The following USP34 variants were observed in gnomAD, a reference collection of about 807,000 sequenced individuals.
USP34 encodes ubiquitin carboxyl-terminal hydrolase 34.
Under a neutral mutation model 460.3 loss-of-function variants are expected in USP34, and 70 were observed. The ratio of observed to expected loss-of-function variants is 0.15; its 90% CI spans 0.13 to 0.19. The LOEUF (loss-of-function observed/expected upper bound fraction) is 0.19, where lower values mean the gene tolerates loss of function less well. USP34 is among the 10% of genes least tolerant of loss of function. The probability of loss-of-function intolerance (pLI) is 1.00; values close to 1 mark genes in which losing one functional copy is unlikely to be tolerated. For synonymous variants in USP34, 1,647 were observed against 1,405.3 expected (o/e 1.17, Z -3.85); for missense variants, 3,985 against 4,236.2 (o/e 0.94, Z 1.65).
Position 61,281,207 on chromosome 2 carries a change from A to G in USP34, c.5034T>C (p.Tyr1678=), listed in dbSNP as rs1209297052. Residue 1678 remains tyrosine (Y), a synonymous_variant, in exon 38 of 80, where the codon TAT becomes TAC. Transcript: ENST00000398571. The part of the protein sequence containing the change: ...AVRHESCSGL[Y]KLSLSGLDGG... Reference sequence around the variant, plus strand: ...CATCCAGCCCTGACAGGGATAACTTATAGAGACCACTGCATGATTCATGAC... The same window carrying G: ...CATCCAGCCCTGACAGGGATAACTTGTAGAGACCACTGCATGATTCATGAC... The G allele has an allele frequency of 6.2e-7, 1 of 1,613,972 alleles. No individual in the cohort carries two copies. The highest frequency in any genetic ancestry group is 1.3e-5 in the African/African-American group (1 of 74,942).
At position 61,244,202 on chromosome 2, in the gene USP34, A is replaced by G. The variant is rs571674242; in HGVS notation, c.6627+1008T>C. ...CTAATCTATGAAACGGAAATGACTA[A>G]TATTTGTCTTGTGAGAATCAAGAGA... On this transcript the variant is annotated intron_variant, in intron 51 of 79. Transcript: ENST00000398571. 7.2e-5 allele frequency among the ~76,000 whole-genome samples: 11 copies of G among 152,370 alleles called. 1 individual carries two copies. The South Asian group carries it at 2.1e-3, about 29-fold the overall frequency.
At chr2:61,253,666 T>G (rs1001725213) in intron 48 of USP34, among the ~76,000 whole-genome samples, 1 of 152,170 alleles carries the variant, frequency 6.6e-6, no homozygotes, top group African/African-American at 2.4e-5. Context: ...TCAGATATCT[T>G]TCATCTAGAA....
At chr2:61,470,439 G>C (rs1439204327) in intron 1 of USP34, among the ~76,000 whole-genome samples, 1 of 150,344 alleles carries the variant, frequency 6.7e-6, no homozygotes, top group Non-Finnish European at 1.5e-5. Context: ...GCTCCGCGGC[G>C]GCCGCCTCTC....
At chr2:61,351,129 T>C (rs1415429393) in intron 10 of USP34, among the ~76,000 whole-genome samples, 2 of 152,170 alleles carry the variant, frequency 1.3e-5, no homozygotes, top group Non-Finnish European at 2.9e-5. Context: ...TAGGCGGCTA[T>C]GGTGGGAAGA....
chr2:61,265,656 C>A, intron 42 of USP34, 99 bp from the exon 43 acceptor site: 1 of 1,090,416 alleles, frequency 9.2e-7, no homozygotes, highest in Non-Finnish European at 1.3e-6. Context: ...TTAGTTACCT[C>A]ATTAATATAT....
chr2:61,197,683 G>A (rs1423441642), intron 75 of USP34, among the ~76,000 whole-genome samples: 6 of 152,030 alleles, frequency 3.9e-5, no homozygotes, highest in Non-Finnish European at 8.8e-5. Flanking sequence ...TTGTAACCTT[G>A]AACTCCTGGG....
chr2:61,344,602 A>G (rs940485212), intron 15 of USP34, among the ~76,000 whole-genome samples: 1 of 152,246 alleles, frequency 6.6e-6, no homozygotes, highest in Non-Finnish European at 1.5e-5. Flanking sequence ...CAGAATATGA[A>G]AAGAGCTAAA....
At chr2:61,273,081 A>C (rs1295618207) in intron 41 of USP34, among the ~76,000 whole-genome samples, 1 of 152,228 alleles carries the variant, frequency 6.6e-6, no homozygotes, top group Non-Finnish European at 1.5e-5. Flanking sequence ...ATGACAAGTT[A>C]AAAAACATAA....
chr2:61,402,053 C>A (rs1006457407), intron 3 of USP34, among the ~76,000 whole-genome samples: 2 of 151,598 alleles, frequency 1.3e-5, no homozygotes, highest in African/African-American at 4.8e-5. Context: ...GAGTTCGAGA[C>A]CAGGCTGGTC....
intron 37 of USP34, among the ~76,000 whole-genome samples, chr2:61,281,554 G>A (rs1190366087): frequency 6.6e-6 from 1 of 152,206 alleles, no homozygotes; most frequent in African/African-American, 2.4e-5. Context: ...AGTCTGCAGT[G>A]AGCTGATATG....
At chr2:61,423,332 G>C (rs1052189140) in intron 1 of USP34, among the ~76,000 whole-genome samples, 8 of 151,906 alleles carry the variant, frequency 5.3e-5, no homozygotes, top group African/African-American at 1.5e-4. Flanking sequence ...GGCTGCTCTC[G>C]AACTCCTGAT....
chr2:61,402,734 G>A (rs1028955430), intron 3 of USP34, among the ~76,000 whole-genome samples: 2 of 152,098 alleles, frequency 1.3e-5, no homozygotes, highest in African/African-American at 4.8e-5. Flanking sequence ...TAGCACAGCA[G>A]CACAAAGAAA....
At chr2:61,467,662 G>T (rs1867839) in intron 1 of USP34, among the ~76,000 whole-genome samples, 83,267 of 134,392 alleles carry the variant, frequency 0.62, 25,818 homozygotes, top group Middle Eastern at 0.69. Context: ...TTCTGTGGCC[G>T]AGGCTGGAGT....
intron 33 of USP34, among the ~76,000 whole-genome samples, chr2:61,289,693 GAA>G (rs993418637): frequency 6.6e-6 from 1 of 151,802 alleles, no homozygotes; most frequent in East Asian, 1.9e-4. Flanking sequence ...AATTCAGAGA[GAA>G]AAAAAGTCTT....
intron 43 of USP34, 132 bp downstream of exon 43, chr2:61,265,265 G>C (rs1400720502): frequency 6.4e-6 from 6 of 935,280 alleles, no homozygotes; most frequent in South Asian, 5.2e-5. Context: ...ACATTAGCTA[G>C]TTACTGTAAT....
intron 1 of USP34, among the ~76,000 whole-genome samples, chr2:61,459,783 G>A (rs529260645): frequency 1.4e-5 from 2 of 147,650 alleles, no homozygotes; most frequent in African/African-American, 5.0e-5. Context: ...AAAAAGGCCA[G>A]GCACAGTGAC....
intron 41 of USP34, among the ~76,000 whole-genome samples, chr2:61,275,265 C>G (rs1368862342): frequency 6.6e-6 from 1 of 151,978 alleles, no homozygotes; most frequent in Non-Finnish European, 1.5e-5. Flanking sequence ...GGTGACAGAG[C>G]CAGACCCCGT....
At chr2:61,428,956 A>G (rs1015623695) in intron 1 of USP34, among the ~76,000 whole-genome samples, 2 of 152,182 alleles carry the variant, frequency 1.3e-5, no homozygotes, top group African/African-American at 4.8e-5. Flanking sequence ...AAAGAGCAAA[A>G]CAAAATAATA....
At chr2:61,399,444 T>C (rs1438436245) in intron 3 of USP34, among the ~76,000 whole-genome samples, 1 of 152,070 alleles carries the variant, frequency 6.6e-6, no homozygotes, top group Non-Finnish European at 1.5e-5. Flanking sequence ...TGCCACTCTA[T>C]TTCCAATATG....
Sources: allele counts gnomAD v4.1 joint callset (sites outside exome capture counted in the v4.1 genomes callset), GRCh38; gene constraint gnomAD v4.1.1; transcripts MANE v1.5; gene names NCBI Gene and HGNC (gene_info 2026-07-23, HGNC 2026-07-21).